BMP6: variants seen among roughly 807,000 people sequenced by gnomAD.
The protein encoded by BMP6 is bone morphogenetic protein 6, also known as VG-1-R.
Under a neutral mutation model 54.1 loss-of-function variants are expected in BMP6, and 17 were observed. The ratio of observed to expected loss-of-function variants is 0.31; its 90% CI spans 0.22 to 0.47. The LOEUF is 0.47. BMP6 is among the 20% of genes least tolerant of loss of function. BMP6 has a pLI of 1.00. For missense variants in BMP6, 720 were observed against 690.4 expected, an observed-to-expected ratio of 1.04 and a Z score of -0.48; for synonymous variants, 328 against 291.2, an observed-to-expected ratio of 1.13 and a Z score of -1.28.
rs561928598 is a variant in BMP6, at chr6:7,810,411, C to T, written c.665-34729C>T. 1.0e-3 allele frequency among the ~76,000 whole-genome samples: 158 copies of T among 152,342 alleles called. 3 individuals are homozygous for T. The South Asian group carries it at 0.024, about 23-fold the overall frequency. ...CTTAGCTCAAGTGACTTTCCCAAGG[C>T]TCCAGAGGCAGCTGGTGGCAGAGCC... On this transcript the variant is annotated intron_variant, in intron 1 of 6. Coordinates refer to ENST00000283147, the MANE Select transcript of BMP6 (RefSeq NM_001718.6).
intron 2 of BMP6, among the ~76,000 whole-genome samples, chr6:7,850,247 A>G (rs938670028): frequency 2.6e-5 from 4 of 152,110 alleles, no homozygotes; most frequent in Admixed American, 6.5e-5. Context: ...GGTTCAAGCC[A>G]TTCTCTTGCC....
intron 4 of BMP6, among the ~76,000 whole-genome samples, chr6:7,877,656 C>T (rs932101311): frequency 5.3e-5 from 8 of 151,978 alleles, no homozygotes; most frequent in Non-Finnish European, 1.2e-4. Flanking sequence ...GAAATCTGCA[C>T]GCTCTCTCCT....
chr6:7,863,543 G>T (rs765837985), intron 4 of BMP6, among the ~76,000 whole-genome samples: 4 of 152,136 alleles, frequency 2.6e-5, no homozygotes, highest in African/African-American at 9.7e-5. Context: ...CTGGGGTTGC[G>T]TCCTCCAACC....
chr6:7,816,101 G>A (rs977925114), intron 1 of BMP6, among the ~76,000 whole-genome samples: 3 of 152,160 alleles, frequency 2.0e-5, no homozygotes, highest in African/African-American at 2.4e-5. Flanking sequence ...AAGGAAGTCC[G>A]GTCTCCTAGG....
chr6:7,850,398 CAGTGGTAATAAA>C (rs1431864651), intron 2 of BMP6, among the ~76,000 whole-genome samples: 2 of 152,252 alleles, frequency 1.3e-5, no homozygotes, highest in East Asian at 3.9e-4. Context: ...GTGTGTAGTT[CAGTGGTAATAAA>C]CATATATTCT....
At chr6:7,799,734 T>C (rs1179815518) in intron 1 of BMP6, among the ~76,000 whole-genome samples, 1 of 113,402 alleles carries the variant, frequency 8.8e-6, no homozygotes, top group African/African-American at 3.6e-5. Context: ...ATAGTTACAC[T>C]GATTATAAAA....
At chr6:7,740,672 A>C (rs1762029597) in intron 1 of BMP6, among the ~76,000 whole-genome samples, 1 of 152,136 alleles carries the variant, frequency 6.6e-6, no homozygotes, top group African/African-American at 2.4e-5. Flanking sequence ...GGGAATCTGC[A>C]CTTCGACAAG....
chr6:7,789,030 T>C (rs1314038002), intron 1 of BMP6, among the ~76,000 whole-genome samples: 3 of 152,212 alleles, frequency 2.0e-5, no homozygotes, highest in African/African-American at 7.2e-5. Flanking sequence ...GTTTAAGGTA[T>C]ACAACTTGAT....
intron 1 of BMP6, among the ~76,000 whole-genome samples, chr6:7,772,930 C>T (rs1757812194): frequency 6.6e-6 from 1 of 152,110 alleles, no homozygotes; most frequent in Non-Finnish European, 1.5e-5. Flanking sequence ...AATCTATCTC[C>T]TTGTGGTGCT....
chr6:7,756,217 G>A (rs1372900469), intron 1 of BMP6, among the ~76,000 whole-genome samples: 1 of 151,866 alleles, frequency 6.6e-6, no homozygotes, highest in African/African-American at 2.4e-5. Flanking sequence ...TTTCCTCTCT[G>A]TGTTGTCTCA....
At chr6:7,809,656 G>A (rs1016952953) in intron 1 of BMP6, among the ~76,000 whole-genome samples, 4 of 152,146 alleles carry the variant, frequency 2.6e-5, no homozygotes, top group Admixed American at 2.6e-4. Flanking sequence ...CCATTCAGTC[G>A]GAAGCTTCAG....
chr6:7,730,931 TC>T (rs1482160444), intron 1 of BMP6, among the ~76,000 whole-genome samples: 1 of 152,164 alleles, frequency 6.6e-6, no homozygotes, highest in Admixed American at 6.5e-5. Flanking sequence ...ACATCCGACT[TC>T]CCTGGGACTG....
intron 1 of BMP6, among the ~76,000 whole-genome samples, chr6:7,777,158 T>G (rs1357627301): frequency 6.6e-6 from 1 of 152,150 alleles, no homozygotes; most frequent in East Asian, 1.9e-4. Flanking sequence ...CCTGAGAAGG[T>G]CATCCTTGGA....
At chr6:7,785,197 C>T (rs1169930593) in intron 1 of BMP6, among the ~76,000 whole-genome samples, 1 of 152,200 alleles carries the variant, frequency 6.6e-6, no homozygotes, top group Non-Finnish European at 1.5e-5. Context: ...CTTCTACCCA[C>T]TAGTGTCATA....
chr6:7,778,525 C>G (rs544909447), intron 1 of BMP6, among the ~76,000 whole-genome samples: 1 of 152,340 alleles, frequency 6.6e-6, no homozygotes, highest in Admixed American at 6.5e-5. Flanking sequence ...GATTCTGCCT[C>G]TTTCTAACTG....
At chr6:7,834,351 T>A (rs1029059116) in intron 1 of BMP6, among the ~76,000 whole-genome samples, 2 of 151,384 alleles carry the variant, frequency 1.3e-5, no homozygotes, top group African/African-American at 4.9e-5. Context: ...GGGAGAGTAA[T>A]TTCAGTCCCC....
intron 4 of BMP6, among the ~76,000 whole-genome samples, chr6:7,869,078 C>G (rs1243489441): frequency 1.1e-4 from 17 of 152,262 alleles, no homozygotes; most frequent in Admixed American, 1.1e-3. Context: ...CGCACCCCCC[C>G]TGGGAGCCCA....
In BMP6 at chr6:7,880,177, C is replaced by CT. The variant is rs1759691570; in HGVS notation, c.1393-15dup. On this transcript the variant is annotated splice_polypyrimidine_tract_variant and intron_variant, in intron 6 of 6. Coordinates refer to ENST00000283147, the MANE Select transcript of BMP6 (RefSeq NM_001718.6). ...TGTCATTTCTAAGGTACCTTCTCCCCTTCTGTTTTGGAACAGGTTCACCTT... is the reference window on the plus strand; with the variant it reads ...TGTCATTTCTAAGGTACCTTCTCCCCTTTCTGTTTTGGAACAGGTTCACCTT... 1 of 1,613,990 alleles carries CT rather than the reference C, an allele frequency of 6.2e-7. No individual in the cohort carries two copies. Among genetic ancestry groups the CT allele is most frequent in the Non-Finnish European group, 8.5e-7 (1 of 1,180,004 alleles).
rs148234671 is a variant in BMP6 at position 7,834,044 on chromosome 6, A to C, written c.665-11096A>C. Among the ~76,000 whole-genome samples, 35 of 152,260 alleles carry C rather than the reference A, an allele frequency of 2.3e-4. No homozygotes were observed. In the East Asian group the frequency reaches 6.2e-3, roughly 27 times the overall value. ...TGGGTTTCTGTGAATGCAAAGACCA[A>C]CACTAGCGCTGATCCTGAGACCAGC... is the stretch of plus-strand genomic sequence containing the variant. On this transcript the variant is annotated intron_variant, in intron 1 of 6. Coordinates refer to ENST00000283147, the MANE Select transcript of BMP6 (RefSeq NM_001718.6).
Sources: gnomAD v4.1 joint callset for allele counts (sites outside exome capture counted in the v4.1 genomes callset) on GRCh38, gnomAD v4.1.1 for gene constraint, MANE v1.5 for transcripts, NCBI Gene and HGNC (gene_info 2026-07-23, HGNC 2026-07-21) for gene names.